Variants in NELL1 observed in about 807,000 individuals in gnomAD.
NELL1 encodes protein kinase C-binding protein NELL1.
Under a neutral mutation model 107.4 loss-of-function variants are expected in NELL1, and 76 were observed. That is an observed-to-expected ratio of 0.71 (90% CI 0.59 to 0.86). The LOEUF (loss-of-function observed/expected upper bound fraction) is 0.86, where lower values mean the gene tolerates loss of function less well. NELL1 is among the 40% of genes least tolerant of loss of function. The pLI, the probability that NELL1 is intolerant of heterozygous loss-of-function variation, is 0.00. For synonymous variants in NELL1, 353 were observed against 341.2 expected, an observed-to-expected ratio of 1.03 and a Z score of -0.38; for missense variants, 1,024 against 1,005.5, an observed-to-expected ratio of 1.02 and a Z score of -0.25.
intron 15 of NELL1, among the ~76,000 whole-genome samples, chr11:21,390,054 T>C (rs983701212): frequency 2.0e-5 from 3 of 151,762 alleles, no homozygotes; most frequent in African/African-American, 7.3e-5. Context: ...CATTGTAATT[T>C]TGTCAGTACT....
rs143609166 is a variant in NELL1 at position 21,456,398 on chromosome 11, C to T, written c.1646-77976C>T. Among the ~76,000 whole-genome samples the T allele has an allele frequency of 5.0e-3, 761 of 152,076 alleles. 6 individuals carry two copies. The highest frequency in any genetic ancestry group is 0.018 in the African/African-American group (729 of 41,486). ...CATTACAGAGAATATAAGCAGTATGCTGTACAAAACTGCACGATGTACTTC... is the reference window on the plus strand; with the variant it reads ...CATTACAGAGAATATAAGCAGTATGTTGTACAAAACTGCACGATGTACTTC... On this transcript the variant is annotated intron_variant, in intron 15 of 19. Transcript: ENST00000357134.
At chr11:20,863,062 A>G (rs975946262) in intron 4 of NELL1, among the ~76,000 whole-genome samples, 5 of 152,022 alleles carry the variant, frequency 3.3e-5, no homozygotes, top group Admixed American at 2.0e-4. Flanking sequence ...CCCCTTTTCT[A>G]TTTCACAAAA....
intron 16 of NELL1, among the ~76,000 whole-genome samples, chr11:21,559,652 A>C (rs1856804384): frequency 1.3e-5 from 2 of 152,062 alleles, no homozygotes; most frequent in Non-Finnish European, 2.9e-5. Context: ...CACTTCCTTC[A>C]ACTTTGGTGG....
At chr11:21,282,595 A>G (rs924591580) in intron 14 of NELL1, among the ~76,000 whole-genome samples, 6 of 152,112 alleles carry the variant, frequency 3.9e-5, no homozygotes, top group Non-Finnish European at 8.8e-5. Flanking sequence ...TAATCTGACC[A>G]CTATGGAGAA....
chr11:20,804,104 A>T (rs1056232685), intron 3 of NELL1, among the ~76,000 whole-genome samples: 1 of 151,884 alleles, frequency 6.6e-6, no homozygotes, highest in South Asian at 2.1e-4. Context: ...CCTCTAGAGA[A>T]CCCTTACTAA....
intron 15 of NELL1, among the ~76,000 whole-genome samples, chr11:21,407,540 A>G (rs1262297628): frequency 1.3e-5 from 2 of 151,964 alleles, no homozygotes; most frequent in Non-Finnish European, 2.9e-5. Flanking sequence ...CAAATTTAGT[A>G]TATGAATTAT....
intron 8 of NELL1, 139 bp downstream of exon 8, chr11:20,927,581 C>T (rs751067412): frequency 2.2e-4 from 155 of 707,686 alleles, no homozygotes; most frequent in Non-Finnish European, 2.9e-4. Flanking sequence ...ACTAGCCATA[C>T]GAGCAATTGT....
chr11:21,378,364 T>A (rs79822234), intron 15 of NELL1, among the ~76,000 whole-genome samples: 2,649 of 151,748 alleles, frequency 0.017, 26 homozygotes, highest in East Asian at 0.045. Flanking sequence ...AAACACTTAA[T>A]AATCTCTTGA....
intron 17 of NELL1, among the ~76,000 whole-genome samples, chr11:21,565,870 T>C (rs982109942): frequency 2.6e-5 from 4 of 151,956 alleles, no homozygotes; most frequent in Non-Finnish European, 5.9e-5. Flanking sequence ...TTGTGGGCTG[T>C]GACCTGAAGG....
intron 12 of NELL1, among the ~76,000 whole-genome samples, chr11:21,069,098 T>C (rs573174439): frequency 6.6e-6 from 1 of 152,112 alleles, no homozygotes; most frequent in Non-Finnish European, 1.5e-5. Context: ...GATTTGAAAG[T>C]AGTGAATGTC....
intron 14 of NELL1, among the ~76,000 whole-genome samples, chr11:21,313,783 C>T (rs1043192325): frequency 1.3e-5 from 2 of 152,028 alleles, no homozygotes; most frequent in East Asian, 1.9e-4. Context: ...CCCATTAATC[C>T]ATTACTTCAT....
intron 16 of NELL1, among the ~76,000 whole-genome samples, chr11:21,540,652 G>T (rs1019237304): frequency 6.6e-6 from 1 of 152,042 alleles, no homozygotes; most frequent in Admixed American, 6.6e-5. Context: ...GCTGGAGGAA[G>T]AGAGTGAAGG....
intron 3 of NELL1, among the ~76,000 whole-genome samples, chr11:20,838,919 G>A (rs1848576893): frequency 6.6e-6 from 1 of 152,096 alleles, no homozygotes; most frequent in Non-Finnish European, 1.5e-5. Context: ...TTATACCTTA[G>A]TCTTAAGATG....
intron 14 of NELL1, among the ~76,000 whole-genome samples, chr11:21,353,633 G>C (rs1850866197): frequency 1.3e-5 from 2 of 152,164 alleles, no homozygotes; most frequent in African/African-American, 2.4e-5. Context: ...GCTGTGTGCA[G>C]CATGAAAGCA....
At chr11:20,871,653 A>G (rs1849200625) in intron 4 of NELL1, among the ~76,000 whole-genome samples, 1 of 151,962 alleles carries the variant, frequency 6.6e-6, no homozygotes, top group Non-Finnish European at 1.5e-5. Flanking sequence ...ATTCATGTAG[A>G]AAAACCTCTA....
intron 2 of NELL1, among the ~76,000 whole-genome samples, chr11:20,715,046 A>C (rs112951150): frequency 6.6e-6 from 1 of 152,164 alleles, no homozygotes; most frequent in African/African-American, 2.4e-5. Flanking sequence ...GATCGAGACC[A>C]TCCTGGCTAA....
intron 2 of NELL1, among the ~76,000 whole-genome samples, chr11:20,747,292 CTT>C (rs1446679084): frequency 6.6e-6 from 1 of 152,158 alleles, no homozygotes; most frequent in Non-Finnish European, 1.5e-5. Context: ...TGTGCTGAAT[CTT>C]TTGAAATATG....
chr11:20,746,565 T>TTC (rs1461600273), intron 2 of NELL1, among the ~76,000 whole-genome samples: 2 of 88,918 alleles, frequency 2.2e-5, no homozygotes, highest in Non-Finnish European at 2.4e-5. Context: ...TGTGACAGAT[T>TTC]TCACACACAC....
intron 15 of NELL1, among the ~76,000 whole-genome samples, chr11:21,387,359 C>T (rs985443164): frequency 1.6e-4 from 24 of 151,940 alleles, no homozygotes; most frequent in Middle Eastern, 3.4e-3. Context: ...GTCTCTTCCT[C>T]CCACTTGATG....
Sources: gnomAD v4.1 joint callset for allele counts (sites outside exome capture counted in the v4.1 genomes callset) on GRCh38, gnomAD v4.1.1 for gene constraint, MANE v1.5 for transcripts, NCBI Gene and HGNC (gene_info 2026-07-23, HGNC 2026-07-21) for gene names.